The following SEMA5A variants were observed in gnomAD, a reference collection of about 807,000 sequenced individuals.
SEMA5A encodes semaphorin-5A.
SEMA5A carries 55 observed loss-of-function variants against 135.5 expected under a neutral mutation model. The observed-to-expected ratio is 0.41, with a 90% CI of 0.33 to 0.51. SEMA5A has a LOEUF of 0.51. Ranked by LOEUF, SEMA5A falls within the 20% of genes least tolerant of loss-of-function variation. The probability of loss-of-function intolerance (pLI) is 0.37; values close to 1 mark genes in which losing one functional copy is unlikely to be tolerated. For missense variants in SEMA5A, 1,290 were observed against 1,419.9 expected (o/e 0.91, Z 1.47); for synonymous variants, 580 against 546.5 (o/e 1.06, Z -0.85).
intron 14 of SEMA5A, among the ~76,000 whole-genome samples, chr5:9,120,470 TATG>T (rs1465763251): frequency 3.9e-5 from 6 of 152,142 alleles, no homozygotes; most frequent in African/African-American, 1.4e-4. Flanking sequence ...TAGCTTTATG[TATG>T]ATATTATAAT....
chr5:9,518,231 C>T (rs372847350), intron 1 of SEMA5A: 6 of 152,178 alleles, frequency 3.9e-5, no homozygotes, highest in East Asian at 1.9e-4. Flanking sequence ...TTTTACAAAT[C>T]GGTTATTTAG....
At chr5:9,218,107 A>T (rs769511763) in intron 8 of SEMA5A, among the ~76,000 whole-genome samples, 3 of 152,040 alleles carry the variant, frequency 2.0e-5, no homozygotes, top group Non-Finnish European at 4.4e-5. Context: ...ACTGGACTTA[A>T]CTCCTGGGTA....
intron 1 of SEMA5A, among the ~76,000 whole-genome samples, chr5:9,500,708 T>G (rs1561301751): frequency 6.6e-6 from 1 of 152,218 alleles, no homozygotes; most frequent in Non-Finnish European, 1.5e-5. Context: ...TAGGGTATAC[T>G]TATACTGAAA....
intron 1 of SEMA5A, among the ~76,000 whole-genome samples, chr5:9,501,940 T>G (rs1479943587): frequency 6.6e-6 from 1 of 152,184 alleles, no homozygotes; most frequent in Non-Finnish European, 1.5e-5. Context: ...TTGCTCAGTT[T>G]CTAGATTGTT....
intron 16 of SEMA5A, among the ~76,000 whole-genome samples, chr5:9,079,190 A>G (rs552893222): frequency 1.3e-5 from 2 of 152,262 alleles, no homozygotes; most frequent in East Asian, 3.9e-4. Context: ...ATGCAAAAGA[A>G]CGGAAATCAT....
At chr5:9,127,578 C>T (rs1163500828) in intron 13 of SEMA5A, among the ~76,000 whole-genome samples, 3 of 152,172 alleles carry the variant, frequency 2.0e-5, no homozygotes, top group South Asian at 2.1e-4. Context: ...ACTTTGTCTG[C>T]CTCACTCTTT....
chr5:9,113,289 C>T (rs1344005925), intron 15 of SEMA5A, among the ~76,000 whole-genome samples: 1 of 152,076 alleles, frequency 6.6e-6, no homozygotes, highest in Non-Finnish European at 1.5e-5. Context: ...GGCTTTGAGA[C>T]CACGGAATGG....
intron 3 of SEMA5A, among the ~76,000 whole-genome samples, chr5:9,372,594 A>G (rs1245559403): frequency 1.3e-5 from 2 of 151,940 alleles, no homozygotes; most frequent in East Asian, 3.9e-4. Context: ...ACCATAGACA[A>G]GCATGGAGCC....
intron 6 of SEMA5A, among the ~76,000 whole-genome samples, chr5:9,228,725 G>C (rs749355797): frequency 2.0e-5 from 3 of 152,246 alleles, no homozygotes; most frequent in African/African-American, 4.8e-5. Context: ...AGCCAGAATA[G>C]TGAGTCAATT....
rs564135293 is a variant in SEMA5A, at chr5:9,492,004, A to T, written c.-175+53580T>A. 6.6e-5 allele frequency among the ~76,000 whole-genome samples: 10 copies of T among 152,332 alleles called. No individual in the cohort carries two copies. The South Asian group carries it at 2.1e-3, about 32-fold the overall frequency. On this transcript the variant is annotated intron_variant, in intron 1 of 22. Transcript: ENST00000382496. Reference sequence around the variant, plus strand: ...GGATTACAGATAGAAGACACACAACAGCTTTTATAAAGTCTATCAGTTCAT... The same window carrying T: ...GGATTACAGATAGAAGACACACAACTGCTTTTATAAAGTCTATCAGTTCAT...
At chr5:9,319,956 T>G (rs1752554187) in intron 4 of SEMA5A, among the ~76,000 whole-genome samples, 1 of 151,578 alleles carries the variant, frequency 6.6e-6, no homozygotes, top group South Asian at 2.1e-4. Flanking sequence ...ATGGACAGAG[T>G]TAGGGAGGAC....
chr5:9,139,608 G>A (rs985827933), intron 12 of SEMA5A, among the ~76,000 whole-genome samples: 1 of 152,080 alleles, frequency 6.6e-6, no homozygotes. Flanking sequence ...TCTTTCATGA[G>A]TCATTCATTT....
chr5:9,514,295 G>A (rs1441445247), intron 1 of SEMA5A, among the ~76,000 whole-genome samples: 3 of 152,076 alleles, frequency 2.0e-5, no homozygotes, highest in African/African-American at 4.8e-5. Context: ...CTCAAGACCC[G>A]TAACTTAATC....
intron 12 of SEMA5A, among the ~76,000 whole-genome samples, chr5:9,154,045 CAAAA>C (rs1157417525): frequency 0.076 from 2,560 of 33,496 alleles, 70 homozygotes; most frequent in East Asian, 0.18. Context: ...GACTGTGTCT[CAAAA>C]AAAAAAAAAA....
intron 10 of SEMA5A, among the ~76,000 whole-genome samples, chr5:9,191,587 G>A (rs1051705963): frequency 2.0e-5 from 3 of 151,906 alleles, no homozygotes; most frequent in South Asian, 4.2e-4. Flanking sequence ...TATAACAGGT[G>A]AGAGGTGCAA....
At chr5:9,196,484 G>T (rs1745390024) in intron 10 of SEMA5A, among the ~76,000 whole-genome samples, 1 of 152,182 alleles carries the variant, frequency 6.6e-6, no homozygotes, top group African/African-American at 2.4e-5. Context: ...GAAAATAAAT[G>T]CCTCTTTTTT....
At chr5:9,094,666 T>C (rs949481374) in intron 16 of SEMA5A, among the ~76,000 whole-genome samples, 3 of 152,232 alleles carry the variant, frequency 2.0e-5, no homozygotes, top group East Asian at 1.9e-4. Flanking sequence ...TTCACAGTCC[T>C]TCTTTCAGTC....
chr5:9,337,174 T>C (rs1325276451), intron 4 of SEMA5A, among the ~76,000 whole-genome samples: 6 of 152,152 alleles, frequency 3.9e-5, no homozygotes, highest in Non-Finnish European at 5.9e-5. Context: ...AATAACTTCG[T>C]TGAATCTCAA....
At chr5:9,104,286 C>G (rs1348445062) in intron 16 of SEMA5A, among the ~76,000 whole-genome samples, 1 of 152,102 alleles carries the variant, frequency 6.6e-6, no homozygotes, top group African/African-American at 2.4e-5. Flanking sequence ...TTTAATTACT[C>G]TTAGTGCAGT....
Sources: gnomAD v4.1 joint callset for allele counts (sites outside exome capture counted in the v4.1 genomes callset) on GRCh38, gnomAD v4.1.1 for gene constraint, MANE v1.5 for transcripts, NCBI Gene and HGNC (gene_info 2026-07-23, HGNC 2026-07-21) for gene names.